The following VAMP4 variants were observed in gnomAD, a reference collection of about 807,000 sequenced individuals.
VAMP4 encodes the protein vesicle-associated membrane protein 4.
A neutral mutation model predicts 23.5 loss-of-function variants in VAMP4; 19 were observed. The ratio of observed to expected loss-of-function variants is 0.81; its 90% CI spans 0.56 to 1.19. The LOEUF is 1.19. VAMP4 is among the 50% of genes most tolerant of loss of function. The pLI is 0.00. For synonymous variants in VAMP4, 31 were observed against 51.0 expected, an observed-to-expected ratio of 0.61 and a Z score of 1.67; for missense variants, 145 against 168.6, an observed-to-expected ratio of 0.86 and a Z score of 0.78.
chr1:171,701,443 T>G lies in VAMP4; in HGVS notation c.*3063A>C, dbSNP rs1298724544. ...AATGATGCTGACAAGGCATCAAGCA[T>G]GTTTTAGAGTATACCGGCAATGAGA... On this transcript the variant is annotated 3_prime_UTR_variant, in exon 8 of 8. Coordinates refer to ENST00000236192, the MANE Select transcript of VAMP4 (RefSeq NM_003762.5). 6.6e-6 allele frequency: 1 copy of G among 152,206 alleles called. No homozygotes were observed. The highest frequency in any genetic ancestry group is 1.5e-5 in the Non-Finnish European group (1 of 68,020). 9.4% of individuals were successfully genotyped at this position (152,206 alleles called of 1,614,324 possible).
chr1:171,705,302 A>G (rs571827892), intron 7 of VAMP4, among the ~76,000 whole-genome samples: 1 of 152,258 alleles, frequency 6.6e-6, no homozygotes, highest in African/African-American at 2.4e-5. Flanking sequence ...TTTTTCCATG[A>G]AGACACATCA....
At chr1:171,715,603 GTTATTCAAACACT>G (rs1655002413) in intron 4 of VAMP4, among the ~76,000 whole-genome samples, 1 of 152,200 alleles carries the variant, frequency 6.6e-6, no homozygotes. Flanking sequence ...ATGAGATAGT[GTTATTCAAACACT>G]TAGCATAGTG....
intron 3 of VAMP4, 133 bp from the exon 4 acceptor site, chr1:171,719,354 G>A (rs1214052367): frequency 1.5e-6 from 1 of 666,962 alleles, no homozygotes; most frequent in Non-Finnish European, 2.4e-6. Flanking sequence ...TTATCATAAG[G>A]GACCACATTT....
In VAMP4 at chr1:171,704,281, G is replaced by A. The variant is rs1654575688; in HGVS notation, c.*225C>T. 3.1e-6 allele frequency: 1 copy of A among 325,914 alleles called. No homozygotes were observed. Among genetic ancestry groups the A allele is most frequent in the South Asian group, 1.2e-4 (1 of 8,240 alleles). The allele number at this position is 325,914 out of a possible 1,614,324, so 20.2% of individuals were successfully genotyped here. A position where few individuals can be genotyped will look rare whatever the true frequency, so the allele number is the denominator to read the frequency against. On this transcript the variant is annotated 3_prime_UTR_variant, in exon 8 of 8. Transcript: ENST00000236192. ...TAGATCCTTGAAATATGGAAAAATA[G>A]AGGCTAGTTCTCTTTGCCTTAAACA...
At chr1:171,724,881 A>C (rs1304456618) in intron 3 of VAMP4, among the ~76,000 whole-genome samples, 1 of 152,230 alleles carries the variant, frequency 6.6e-6, no homozygotes, top group East Asian at 1.9e-4. Flanking sequence ...AAAGACACAT[A>C]GAGTCCAGAA....
intron 2 of VAMP4, among the ~76,000 whole-genome samples, chr1:171,732,035 G>T (rs1655581353): frequency 6.6e-6 from 1 of 152,006 alleles, no homozygotes. Context: ...ATCATAGGGA[G>T]GATTTAACAT....
chr1:171,709,617 C>G (rs1277296371), intron 6 of VAMP4, 48 bp downstream of exon 6: 5 of 1,541,900 alleles, frequency 3.2e-6, no homozygotes, highest in Non-Finnish European at 3.6e-6. Flanking sequence ...TGTTTGAATA[C>G]CACTTCAGAT....
chr1:171,738,269 GTTT>G (rs757305421), intron 2 of VAMP4, 77 bp downstream of exon 2: 9 of 1,550,026 alleles, frequency 5.8e-6, no homozygotes, highest in Non-Finnish European at 7.9e-6. Flanking sequence ...CGCCCGGATG[GTTT>G]TTCTTCTATT....
chr1:171,705,444 T>A (rs1298880231), intron 7 of VAMP4, among the ~76,000 whole-genome samples: 2 of 152,092 alleles, frequency 1.3e-5, no homozygotes, highest in African/African-American at 4.8e-5. Flanking sequence ...ACAAAAAGAA[T>A]GTTTATGTTA....
chr1:171,709,850 T>C, intron 5 of VAMP4, 106 bp from the exon 6 acceptor site: 1 of 890,494 alleles, frequency 1.1e-6, no homozygotes, highest in Non-Finnish European at 1.8e-6. Flanking sequence ...TGCAAATTTA[T>C]TCCCTTTTAA....
chr1:171,735,748 C>T (rs543133720), intron 2 of VAMP4, among the ~76,000 whole-genome samples: 1 of 152,300 alleles, frequency 6.6e-6, no homozygotes, highest in South Asian at 2.1e-4. Flanking sequence ...TCAGCTTTTA[C>T]TGGATGCATA....
Position 171,703,451 on chromosome 1 carries a change from A to ATGTATATATATATATATATATG in VAMP4, c.*1054_*1055insCATATATATATATATATATACA, listed in dbSNP as rs1369728349. The stretch of plus-strand genomic sequence containing the variant: ...TATATATATATATATATATATATAT[A>ATGTATATATATATATATATATG]TATATATATATATATATACACATAG... On this transcript the variant is annotated 3_prime_UTR_variant, in exon 8 of 8. Transcript: ENST00000236192. 8.8e-6 allele frequency: 1 copy of ATGTATATATATATATATATATG among 113,578 alleles called. No homozygotes were observed. 7.0% of individuals were successfully genotyped at this position (113,578 alleles called of 1,614,324 possible).
chr1:171,711,996 G>T (rs1654862369), intron 4 of VAMP4, among the ~76,000 whole-genome samples: 3 of 152,098 alleles, frequency 2.0e-5, no homozygotes, highest in Admixed American at 1.3e-4. Flanking sequence ...CGGGTTTGTA[G>T]CTTAGGAGCT....
chr1:171,740,286 C>T (rs1054256423), intron 1 of VAMP4, among the ~76,000 whole-genome samples: 1 of 152,152 alleles, frequency 6.6e-6, no homozygotes, highest in Non-Finnish European at 1.5e-5. Context: ...GCTAACAACC[C>T]AATAGTCCTG....
intron 2 of VAMP4, among the ~76,000 whole-genome samples, chr1:171,734,463 G>A (rs1655672401): frequency 6.6e-6 from 1 of 152,096 alleles, no homozygotes; most frequent in Non-Finnish European, 1.5e-5. Context: ...GAAAATGGGA[G>A]ATGACTGCAA....
chr1:171,707,700 G>A lies in VAMP4; in HGVS notation c.346-1282C>T, dbSNP rs146720083. 2.6e-3 allele frequency among the ~76,000 whole-genome samples: 393 copies of A among 152,246 alleles called. 4 individuals are homozygous for A. The highest frequency in any genetic ancestry group is 8.5e-3 in the African/African-American group (353 of 41,550). ...GGTGTTTGTTACATTATGGAACAATGATTTTCATTACATGGTCGATGCTAT... is the reference window on the plus strand; with the variant it reads ...GGTGTTTGTTACATTATGGAACAATAATTTTCATTACATGGTCGATGCTAT... On this transcript the variant is annotated intron_variant, in intron 6 of 7. Transcript: ENST00000236192.
At position 171,701,494 on chromosome 1, in the gene VAMP4, C is replaced by CT. The variant is rs1197016138; in HGVS notation, c.*3011dup. On this transcript the variant is annotated 3_prime_UTR_variant, in exon 8 of 8. Coordinates refer to ENST00000236192, the MANE Select transcript of VAMP4 (RefSeq NM_003762.5). ...GATTTCAATTACTTTATATTCCTGC[C>CT]TTCTCAGTCTGTACACATATTATCA... is the stretch of plus-strand genomic sequence containing the variant. 1 of 152,098 alleles carries CT rather than the reference C, an allele frequency of 6.6e-6. No individual in the cohort carries two copies. Among genetic ancestry groups the CT allele is most frequent in the Admixed American group, 6.6e-5 (1 of 15,262 alleles). 9.4% of individuals were successfully genotyped at this position (152,098 alleles called of 1,614,324 possible). A position where few individuals can be genotyped will look rare whatever the true frequency, so the allele number is the denominator to read the frequency against.
chr1:171,738,349 C>T lies in VAMP4; in HGVS notation c.66G>A (p.Arg22=). 1 of 1,613,662 alleles carries T rather than the reference C, an allele frequency of 6.2e-7. No individual in the cohort carries two copies. The highest frequency in any genetic ancestry group is 2.2e-5 in the East Asian group (1 of 44,858). ...TTAAAGCTTAAGATTCCGAACTTAC[C>T]CTTTCACTTTTCACAGAACCTGTGA... ...DDVTGSVKSE[R]RNLLEDDSDE... is the part of the protein sequence containing the mutation. Residue 22 remains arginine (R), a splice_region_variant and synonymous_variant, in exon 2 of 8, where the codon AGG becomes AGA. Transcript: ENST00000236192.
At chr1:171,740,015 T>C (rs1340522928) in intron 1 of VAMP4, among the ~76,000 whole-genome samples, 12 of 152,264 alleles carry the variant, frequency 7.9e-5, no homozygotes, top group Non-Finnish European at 1.8e-4. Context: ...AAATACTGAA[T>C]GTTTTACTAT....
Sources: allele counts gnomAD v4.1 joint callset (sites outside exome capture counted in the v4.1 genomes callset), GRCh38; gene constraint gnomAD v4.1.1; transcripts MANE v1.5; gene names NCBI Gene and HGNC (gene_info 2026-07-23, HGNC 2026-07-21).